Variants in DNAH7 observed in about 807,000 individuals in gnomAD.
The protein encoded by DNAH7 is dynein axonemal heavy chain 7.
A neutral mutation model predicts 444.6 loss-of-function variants in DNAH7; 397 were observed. The observed-to-expected ratio is 0.89, with a 90% CI of 0.82 to 0.97. The LOEUF is 0.97. Ranked by LOEUF, DNAH7 falls within the 50% of genes least tolerant of loss-of-function variation. DNAH7 has a pLI of 0.00. For synonymous variants in DNAH7, 1,636 were observed against 1,624.4 expected, an observed-to-expected ratio of 1.01 and a Z score of -0.17; for missense variants, 4,902 against 4,800.8, an observed-to-expected ratio of 1.02 and a Z score of -0.62.
intron 8 of DNAH7, among the ~76,000 whole-genome samples, chr2:196,019,959 T>G (rs1016710255): frequency 2.8e-5 from 4 of 140,656 alleles, no homozygotes; most frequent in Non-Finnish European, 6.2e-5. Flanking sequence ...TCCTCCCCCT[T>G]CTTCTTTCCC....
chr2:195,971,248 C>A (rs1253612116), intron 16 of DNAH7, among the ~76,000 whole-genome samples: 3 of 152,160 alleles, frequency 2.0e-5, no homozygotes, highest in African/African-American at 7.2e-5. Context: ...GTCTCTTAAT[C>A]TTTGGGAAAC....
At chr2:196,024,561 C>A in intron 7 of DNAH7, 57 bp from the exon 8 acceptor site, 1 of 979,558 alleles carries the variant, frequency 1.0e-6, no homozygotes, top group Non-Finnish European at 1.5e-6. Context: ...TAGTACATTT[C>A]CAAGCAATTG....
At chr2:195,855,408 G>C (rs1237346500) in intron 45 of DNAH7, among the ~76,000 whole-genome samples, 1 of 151,850 alleles carries the variant, frequency 6.6e-6, no homozygotes, top group Non-Finnish European at 1.5e-5. Flanking sequence ...TTAACATTTT[G>C]GTTCTCAATT....
chr2:195,787,148 A>C lies in DNAH7; in HGVS notation c.10740T>G (p.Tyr3580Ter). The change falls in exon 58 of 65, where the codon TAT (tyrosine) becomes TAG (stop). Residue 3580 changes from tyrosine (Y) to a stop codon, truncating the protein, a stop_gained. Coordinates refer to ENST00000312428, the MANE Select transcript of DNAH7 (RefSeq NM_018897.3). LOFTEE classifies it high-confidence loss of function. ...KKPEEFKKLLYGLCFFHALVQ... is the reference protein window; with the variant it reads ...KKPEEFKKLL ...CCAAAGCATGAAAGAAACACAGGCC[A>C]TAAAGCAATTTCTTGAATTCCTCCT... 3.1e-6 allele frequency: 5 copies of C among 1,601,306 alleles called. No individual in the cohort carries two copies. Among genetic ancestry groups the C allele is most frequent in the Non-Finnish European group, 4.2e-6 (5 of 1,176,884 alleles).
chr2:195,971,844 G>C lies in DNAH7; in HGVS notation c.2058+398C>G, dbSNP rs549507478. Among the ~76,000 whole-genome samples the C allele has an allele frequency of 3.9e-5, 6 of 152,126 alleles. No homozygotes were observed. The East Asian group carries it at 1.2e-3, about 29-fold the overall frequency. ...CTGGGCACAATGCTCATGAGAGTGA[G>C]CAATTATGAGGTATGAAAGCACATT... On this transcript the variant is annotated intron_variant, in intron 16 of 64. Coordinates refer to ENST00000312428, the MANE Select transcript of DNAH7 (RefSeq NM_018897.3).
At chr2:196,055,053 A>T (rs1697719248) in intron 2 of DNAH7, among the ~76,000 whole-genome samples, 1 of 152,224 alleles carries the variant, frequency 6.6e-6, no homozygotes, top group Admixed American at 6.5e-5. Context: ...GCTTTATCTT[A>T]GAAAATCATA....
chr2:196,060,488 C>G (rs982346571), intron 1 of DNAH7, among the ~76,000 whole-genome samples: 1 of 152,146 alleles, frequency 6.6e-6, no homozygotes, highest in Non-Finnish European at 1.5e-5. Context: ...TTATTTCTAT[C>G]ACTTGGCCTT....
chr2:195,870,108 C>T (rs1700586327), intron 40 of DNAH7, among the ~76,000 whole-genome samples: 1 of 152,190 alleles, frequency 6.6e-6, no homozygotes, highest in African/African-American at 2.4e-5. Flanking sequence ...AGCAAGCCTG[C>T]CTGCCTTCCT....
chr2:195,946,250 C>T (rs1160398400), intron 19 of DNAH7, among the ~76,000 whole-genome samples: 1 of 152,028 alleles, frequency 6.6e-6, no homozygotes, highest in East Asian at 1.9e-4. Flanking sequence ...TTTCCCATAA[C>T]CTAATCTTAA....
At chr2:195,909,381 C>T (rs940239092) in intron 25 of DNAH7, among the ~76,000 whole-genome samples, 1 of 152,106 alleles carries the variant, frequency 6.6e-6, no homozygotes, top group Admixed American at 6.6e-5. Flanking sequence ...CAGACACAAG[C>T]TGCTAAAATA....
At chr2:195,880,668 A>G (rs961321133) in intron 36 of DNAH7, among the ~76,000 whole-genome samples, 1 of 152,202 alleles carries the variant, frequency 6.6e-6, no homozygotes, top group East Asian at 1.9e-4. Context: ...AAAATGTTAG[A>G]AAAATTAGGG....
chr2:196,015,471 C>G (rs1273280924), intron 9 of DNAH7, among the ~76,000 whole-genome samples: 1 of 152,128 alleles, frequency 6.6e-6, no homozygotes, highest in East Asian at 1.9e-4. Flanking sequence ...TTACATTCAA[C>G]TATGATGATT....
At chr2:195,895,895 T>G (rs1354812485) in intron 29 of DNAH7, among the ~76,000 whole-genome samples, 1 of 152,224 alleles carries the variant, frequency 6.6e-6, no homozygotes, top group Non-Finnish European at 1.5e-5. Context: ...AATAGTTTAT[T>G]CTTTTTTTTT....
At chr2:195,850,967 C>T (rs915987116) in intron 46 of DNAH7, among the ~76,000 whole-genome samples, 3 of 152,144 alleles carry the variant, frequency 2.0e-5, no homozygotes, top group Non-Finnish European at 2.9e-5. Context: ...TTCAATTATT[C>T]ATTAAGGACT....
At chr2:195,835,447 A>C (rs1283190199) in intron 47 of DNAH7, among the ~76,000 whole-genome samples, 1 of 152,002 alleles carries the variant, frequency 6.6e-6, no homozygotes, top group African/African-American at 2.4e-5. Flanking sequence ...AACATATTAA[A>C]TTCACTCTCA....
Position 195,960,373 on chromosome 2 carries a change from C to T in DNAH7, c.2778G>A (p.Gly926=), listed in dbSNP as rs1240042901. ...CATCAACTGATGCCAAAATAAATGT[C>T]CCAGTTTCTCTATAAGAATGGATGA... ...EFVIHSYRET[G]TFILASVDEI... Residue 926 remains glycine (G), a synonymous_variant, in exon 18 of 65, where the codon GGG becomes GGA. Coordinates refer to ENST00000312428, the MANE Select transcript of DNAH7 (RefSeq NM_018897.3). The T allele has an allele frequency of 6.2e-7, 1 of 1,614,080 alleles. No homozygotes were observed. Among genetic ancestry groups the T allele is most frequent in the Admixed American group, 1.7e-5 (1 of 60,004 alleles).
chr2:195,951,862 G>A (rs773247281), intron 19 of DNAH7, among the ~76,000 whole-genome samples: 6 of 152,008 alleles, frequency 3.9e-5, no homozygotes, highest in East Asian at 1.9e-4. Flanking sequence ...ACAGCACACC[G>A]ATGGGGCTTG....
At chr2:196,058,897 T>C (rs1697978514) in intron 1 of DNAH7, among the ~76,000 whole-genome samples, 1 of 152,146 alleles carries the variant, frequency 6.6e-6, no homozygotes, top group Admixed American at 6.6e-5. Context: ...GAGGAACAAA[T>C]TGGCAGACTC....
chr2:195,768,463 G>A (rs1480358170), intron 61 of DNAH7, among the ~76,000 whole-genome samples: 4 of 151,504 alleles, frequency 2.6e-5, no homozygotes, highest in Non-Finnish European at 5.9e-5. Flanking sequence ...CATAACCACT[G>A]GATAATATTT....
Sources: gnomAD v4.1 joint callset for allele counts (sites outside exome capture counted in the v4.1 genomes callset) on GRCh38, gnomAD v4.1.1 for gene constraint, MANE v1.5 for transcripts, NCBI Gene and HGNC (gene_info 2026-07-23, HGNC 2026-07-21) for gene names.